The following TBL1XR1 variants were observed in gnomAD, a reference collection of about 807,000 sequenced individuals.
The protein encoded by TBL1XR1 is F-box-like/WD repeat-containing protein TBL1XR1.
In TBL1XR1, 5 loss-of-function variants were observed where a neutral mutation model predicts 66.9. That is an observed-to-expected ratio of 0.07 (90% confidence interval 0.04 to 0.16). TBL1XR1 has a LOEUF of 0.16. Among genes scored for constraint, TBL1XR1 ranks in the 10% least tolerant of loss-of-function variants. The pLI, the probability that TBL1XR1 is intolerant of heterozygous loss-of-function variation, is 1.00. For missense variants in TBL1XR1, 238 were observed against 623.2 expected, an observed-to-expected ratio of 0.38 and a Z score of 6.58; for synonymous variants, 210 against 206.0, an observed-to-expected ratio of 1.02 and a Z score of -0.17.
chr3:177,078,661 T>G (rs1721000715), intron 2 of TBL1XR1: 3 of 151,250 alleles, frequency 2.0e-5, no homozygotes, highest in African/African-American at 7.3e-5. Flanking sequence ...TAAAACAATA[T>G]CGGCTGGGTG....
intron 2 of TBL1XR1, among the ~76,000 whole-genome samples, chr3:177,089,372 G>C (rs930525276): frequency 3.3e-5 from 5 of 152,086 alleles, no homozygotes; most frequent in Admixed American, 2.0e-4. Context: ...AAGCCTAACT[G>C]CCTAACTCCC....
chr3:177,060,345 A>G (rs1356098554), intron 3 of TBL1XR1, among the ~76,000 whole-genome samples: 3 of 152,234 alleles, frequency 2.0e-5, no homozygotes, highest in African/African-American at 7.2e-5. Context: ...AAGTAATAAT[A>G]TTCAGAATCA....
intron 2 of TBL1XR1, among the ~76,000 whole-genome samples, chr3:177,092,342 C>A (rs1722942038): frequency 6.6e-6 from 1 of 152,044 alleles, no homozygotes; most frequent in African/African-American, 2.4e-5. Flanking sequence ...TTAGCTATAA[C>A]CACCAATTTA....
intron 6 of TBL1XR1, 129 bp downstream of exon 6, chr3:177,050,349 G>T: frequency 7.7e-7 from 1 of 1,297,118 alleles, no homozygotes; most frequent in Non-Finnish European, 1.0e-6. Flanking sequence ...CTTCATGAAG[G>T]AATAAAAAAT....
At chr3:177,070,751 T>C (rs1236127404) in intron 2 of TBL1XR1, among the ~76,000 whole-genome samples, 1 of 151,780 alleles carries the variant, frequency 6.6e-6, no homozygotes, top group Non-Finnish European at 1.5e-5. Flanking sequence ...GACGCTGAGA[T>C]GGGAGAATCG....
chr3:177,135,552 T>G (rs1044448974), intron 1 of TBL1XR1, among the ~76,000 whole-genome samples: 48 of 149,856 alleles, frequency 3.2e-4, no homozygotes, highest in Non-Finnish European at 7.4e-5. Context: ...CCTGGCTAAT[T>G]TTTGTATTTT....
chr3:177,037,838 CCTAA>C (rs1372187218), intron 12 of TBL1XR1: 4 of 335,988 alleles, frequency 1.2e-5, no homozygotes, highest in African/African-American at 2.2e-5. Flanking sequence ...TCTGGAGAGC[CCTAA>C]CTAATAGGGT....
intron 1 of TBL1XR1, among the ~76,000 whole-genome samples, chr3:177,189,313 T>C (rs1403847646): frequency 6.7e-6 from 1 of 150,046 alleles, no homozygotes; most frequent in Admixed American, 6.6e-5. Context: ...GCCCAGAGGT[T>C]CAAGACCAGC....
chr3:177,112,094 TATATATA>T (rs1725676314), intron 1 of TBL1XR1, among the ~76,000 whole-genome samples: 2 of 49,090 alleles, frequency 4.1e-5, no homozygotes, highest in Non-Finnish European at 7.1e-5. Context: ...TATATATATA[TATATATA>T]TATATATTTT....
intron 1 of TBL1XR1, among the ~76,000 whole-genome samples, chr3:177,116,736 T>G (rs1726353781): frequency 6.6e-6 from 1 of 152,194 alleles, no homozygotes; most frequent in Non-Finnish European, 1.5e-5. Context: ...AAAACAAGAT[T>G]GTAATGGTAT....
chr3:177,132,390 C>T (rs1388294335), intron 1 of TBL1XR1, among the ~76,000 whole-genome samples: 3 of 152,128 alleles, frequency 2.0e-5, no homozygotes, highest in Admixed American at 6.5e-5. Context: ...TGGGAGGCAC[C>T]CTTTGCTTGT....
At chr3:177,061,394 T>A (rs1329291724) in intron 3 of TBL1XR1, among the ~76,000 whole-genome samples, 1 of 152,222 alleles carries the variant, frequency 6.6e-6, no homozygotes, top group African/African-American at 2.4e-5. Context: ...CAGTCAACAC[T>A]GAACAATATG....
intron 14 of TBL1XR1, among the ~76,000 whole-genome samples, chr3:177,028,536 A>G (rs1713478832): frequency 6.6e-6 from 1 of 152,226 alleles, no homozygotes; most frequent in South Asian, 2.1e-4. Flanking sequence ...ATAGTAACAT[A>G]AAAACCATAA....
chr3:177,054,068 G>C (rs1230017457), intron 3 of TBL1XR1, 150 bp from the exon 4 acceptor site: 2 of 665,918 alleles, frequency 3.0e-6, no homozygotes, highest in Admixed American at 6.5e-5. Context: ...GTGTGTGTGT[G>C]TGTGTGCGCG....
At chr3:177,110,649 A>C (rs1725441836) in intron 1 of TBL1XR1, among the ~76,000 whole-genome samples, 1 of 152,198 alleles carries the variant, frequency 6.6e-6, no homozygotes, top group African/African-American at 2.4e-5. Flanking sequence ...CACAGGAATA[A>C]ATGACAGTAT....
At chr3:177,028,409 C>A (rs948774092) in intron 14 of TBL1XR1, among the ~76,000 whole-genome samples, 3 of 152,036 alleles carry the variant, frequency 2.0e-5, no homozygotes, top group African/African-American at 7.3e-5. Flanking sequence ...AGTTCTATGC[C>A]CAAATTTCAT....
intron 1 of TBL1XR1, among the ~76,000 whole-genome samples, chr3:177,147,990 G>C (rs767699960): frequency 6.6e-6 from 1 of 152,206 alleles, no homozygotes; most frequent in Non-Finnish European, 1.5e-5. Flanking sequence ...GTAACACCCA[G>C]AATCTTTCCA....
intron 2 of TBL1XR1, among the ~76,000 whole-genome samples, chr3:177,094,280 C>G (rs1723186927): frequency 6.6e-6 from 1 of 152,050 alleles, no homozygotes; most frequent in Non-Finnish European, 1.5e-5. Flanking sequence ...TGTGATGCCA[C>G]CTTACTCCTG....
At chr3:177,065,643 A>G (rs775923929) in intron 2 of TBL1XR1, among the ~76,000 whole-genome samples, 56 of 152,234 alleles carry the variant, frequency 3.7e-4, no homozygotes, top group Admixed American at 3.9e-4. Context: ...TGGGGGAAAA[A>G]AGAAAACTGA....
Sources: gnomAD v4.1 joint callset for allele counts (sites outside exome capture counted in the v4.1 genomes callset) on GRCh38, gnomAD v4.1.1 for gene constraint, MANE v1.5 for transcripts, NCBI Gene and HGNC (gene_info 2026-07-23, HGNC 2026-07-21) for gene names.